Variants in MARCHF1 observed in about 807,000 individuals in gnomAD.
MARCHF1 encodes the protein E3 ubiquitin-protein ligase MARCHF1.
MARCHF1 carries 40 observed loss-of-function variants against 54.2 expected under a neutral mutation model. That is an observed-to-expected ratio of 0.74 (90% confidence interval 0.57 to 0.96). The LOEUF (loss-of-function observed/expected upper bound fraction) is 0.96, where lower values mean the gene tolerates loss of function less well. MARCHF1 is among the 40% of genes least tolerant of loss of function. MARCHF1 has a pLI of 0.00. For synonymous variants in MARCHF1, 236 were observed against 236.3 expected, an observed-to-expected ratio of 1.00 and a Z score of 0.01; for missense variants, 586 against 656.5, an observed-to-expected ratio of 0.89 and a Z score of 1.17.
chr4:164,177,806 G>GAGACACACACACACACAC lies in MARCHF1; in HGVS notation c.-322-66145_-322-66144insGTGTGTGTGTGTGTGTCT, dbSNP rs148681185. On this transcript the variant is annotated intron_variant, in intron 1 of 9. Coordinates refer to ENST00000514618, the MANE Select transcript of MARCHF1 (RefSeq NM_001394959.1). ...TCAATCTCAGTGTGTGTATGAAAGA[G>GAGACACACACACACACAC]ACACACACACACACACACACACACA... Among the ~76,000 whole-genome samples, 38 of 149,312 alleles carry GAGACACACACACACACAC rather than the reference G, an allele frequency of 2.5e-4. No individual in the cohort carries two copies. In the East Asian group the frequency reaches 3.4e-3, roughly 13 times the overall value.
intron 2 of MARCHF1, among the ~76,000 whole-genome samples, chr4:164,057,793 A>G (rs1222397984): frequency 6.6e-6 from 1 of 152,200 alleles, no homozygotes; most frequent in Non-Finnish European, 1.5e-5. Flanking sequence ...ATAAGGCACC[A>G]TAATTTTTGT....
chr4:163,772,093 C>A (rs1747179006), intron 4 of MARCHF1, among the ~76,000 whole-genome samples: 1 of 152,144 alleles, frequency 6.6e-6, no homozygotes, highest in Non-Finnish European at 1.5e-5. Flanking sequence ...CCTACAGACT[C>A]ACAATCTGCA....
chr4:164,354,376 A>C (rs376242354), intron 1 of MARCHF1, among the ~76,000 whole-genome samples: 18 of 136,922 alleles, frequency 1.3e-4, no homozygotes, highest in African/African-American at 3.3e-4. Context: ...AAAATACTGG[A>C]AAACCGAATC....
At chr4:163,605,665 A>G (rs1741117629) in intron 7 of MARCHF1, among the ~76,000 whole-genome samples, 1 of 152,200 alleles carries the variant, frequency 6.6e-6, no homozygotes, top group African/African-American at 2.4e-5. Context: ...CCAAATGTCC[A>G]TCAATGAGAG....
At chr4:163,753,574 C>T (rs922422035) in intron 4 of MARCHF1, among the ~76,000 whole-genome samples, 1 of 151,930 alleles carries the variant, frequency 6.6e-6, no homozygotes, top group Non-Finnish European at 1.5e-5. Context: ...AAGACCAAAC[C>T]CTTAAACTCT....
chr4:164,066,015 A>G (rs1258526989), intron 2 of MARCHF1, among the ~76,000 whole-genome samples: 1 of 152,186 alleles, frequency 6.6e-6, no homozygotes, highest in Non-Finnish European at 1.5e-5. Flanking sequence ...TCAAGTATCA[A>G]TCTCCTCTGG....
rs1225209896 is a variant in MARCHF1, at chr4:164,176,978, C to CTA, written c.-322-65317_-322-65316insTA. On this transcript the variant is annotated intron_variant, in intron 1 of 9. Coordinates refer to ENST00000514618, the MANE Select transcript of MARCHF1 (RefSeq NM_001394959.1). Reference sequence around the variant, plus strand: ...TCTCTCTCTCTCTCTCTCTCTCTCTCTCTATATATATATATATATATATAT... The same window carrying CTA: ...TCTCTCTCTCTCTCTCTCTCTCTCTCTATCTATATATATATATATATATATAT... Among the ~76,000 whole-genome samples, 50 of 38,856 alleles carry CTA rather than the reference C, an allele frequency of 1.3e-3. 1 individual carries two copies. The highest frequency in any genetic ancestry group is 3.2e-3 in the African/African-American group (29 of 9,028). 25.5% of individuals were successfully genotyped at this position (38,856 alleles called of 152,430 possible). A position where few individuals can be genotyped will look rare whatever the true frequency, so the allele number is the denominator to read the frequency against.
chr4:163,563,741 G>A (rs536055858), intron 8 of MARCHF1, among the ~76,000 whole-genome samples: 30 of 152,170 alleles, frequency 2.0e-4, no homozygotes, highest in African/African-American at 5.3e-4. Context: ...ATGGGGCTAC[G>A]TATGTAACAA....
chr4:164,096,013 C>T (rs1402326992), intron 2 of MARCHF1, among the ~76,000 whole-genome samples: 1 of 152,072 alleles, frequency 6.6e-6, no homozygotes, highest in Non-Finnish European at 1.5e-5. Context: ...ATGAAGATTT[C>T]TTAAAGAACT....
intron 1 of MARCHF1, among the ~76,000 whole-genome samples, chr4:164,139,086 G>A (rs373407021): frequency 2.6e-5 from 4 of 152,294 alleles, no homozygotes; most frequent in South Asian, 4.1e-4. Context: ...AGAGTTCTGT[G>A]AAAGTATAAA....
intron 2 of MARCHF1, among the ~76,000 whole-genome samples, chr4:164,089,950 CTTAGAAAATTTTAATATATATATAT>C (rs890887940): frequency 2.7e-5 from 4 of 150,792 alleles, no homozygotes; most frequent in African/African-American, 9.7e-5. Flanking sequence ...ATTATATTTT[CTTAGAAAATTTTAATATATATATAT>C]TTCTGTAGAA....
intron 1 of MARCHF1, among the ~76,000 whole-genome samples, chr4:164,231,426 T>TC (rs1253068767): frequency 6.6e-6 from 1 of 152,160 alleles, no homozygotes; most frequent in Non-Finnish European, 1.5e-5. Context: ...TATAATCTTT[T>TC]CCCCTTGGAC....
At chr4:163,610,500 T>A (rs886253781) in intron 7 of MARCHF1, among the ~76,000 whole-genome samples, 1 of 152,090 alleles carries the variant, frequency 6.6e-6, no homozygotes, top group Non-Finnish European at 1.5e-5. Context: ...CAAGCATTAT[T>A]TTTCTCTCCA....
At chr4:164,038,523 A>G (rs576451126) in intron 2 of MARCHF1, among the ~76,000 whole-genome samples, 1 of 152,266 alleles carries the variant, frequency 6.6e-6, no homozygotes, top group South Asian at 2.1e-4. Flanking sequence ...AATAAAATAT[A>G]AATAAAAATC....
chr4:164,281,267 C>T (rs1985065), intron 1 of MARCHF1, among the ~76,000 whole-genome samples: 100,406 of 151,970 alleles, frequency 0.66, 34,534 homozygotes, highest in Non-Finnish European at 0.77. Flanking sequence ...CAAATACATA[C>T]TGAATAACTA....
At chr4:164,054,226 T>A (rs1579495106) in intron 2 of MARCHF1, among the ~76,000 whole-genome samples, 1 of 152,040 alleles carries the variant, frequency 6.6e-6, no homozygotes, top group Admixed American at 6.5e-5. Flanking sequence ...CACAGTGAGA[T>A]ACCATCTCAC....
intron 1 of MARCHF1, among the ~76,000 whole-genome samples, chr4:164,274,699 CG>C (rs1394927900): frequency 4.3e-5 from 3 of 70,530 alleles, no homozygotes; most frequent in African/African-American, 1.7e-4. Context: ...TTTTTTTAGA[CG>C]GAGTCTCGCT....
rs1169502878 is a variant in MARCHF1, at chr4:164,044,571, A to T, written c.-247-55862T>A. ...CACAAATCCAAACCATATCAATATC[A>T]TAATTAAAATAAATCATTCAAGGAA... On this transcript the variant is annotated intron_variant, in intron 2 of 9. Transcript: ENST00000514618. 2.0e-5 allele frequency among the ~76,000 whole-genome samples: 3 copies of T among 146,354 alleles called. No individual in the cohort carries two copies. The Admixed American group carries it at 2.1e-4, about 10-fold the overall frequency.
At chr4:164,106,541 T>G (rs2111171030) in intron 2 of MARCHF1, among the ~76,000 whole-genome samples, 1 of 137,830 alleles carries the variant, frequency 7.3e-6, no homozygotes, top group East Asian at 2.1e-4. Flanking sequence ...CCGCATATTC[T>G]CACTCATAGG....
Sources: allele counts gnomAD v4.1 joint callset (sites outside exome capture counted in the v4.1 genomes callset), GRCh38; gene constraint gnomAD v4.1.1; transcripts MANE v1.5; gene names NCBI Gene and HGNC (gene_info 2026-07-23, HGNC 2026-07-21).